IARS1: variants seen among roughly 807,000 people sequenced by gnomAD.
IARS1 encodes isoleucyl-tRNA synthetase 1, also known as isoleucine--tRNA ligase, cytoplasmic.
In IARS1, 124 loss-of-function variants were observed where a neutral mutation model predicts 168.2. That is an observed-to-expected ratio of 0.74 (90% CI 0.64 to 0.86). IARS1 has a LOEUF of 0.86. IARS1 is among the 40% of genes least tolerant of loss of function. The pLI is 0.00. For synonymous variants in IARS1, 532 were observed against 529.4 expected (o/e 1.00, Z -0.07); for missense variants, 1,452 against 1,515.8 (o/e 0.96, Z 0.70).
chr9:92,247,487 G>C lies in IARS1; in HGVS notation c.2681C>G (p.Ala894Gly). 6.2e-7 allele frequency: 1 copy of C among 1,614,122 alleles called. No homozygotes were observed. The highest frequency in any genetic ancestry group is 8.5e-7 in the Non-Finnish European group (1 of 1,180,018). ...DKNKYGIRLRAEPDHMVLGKR... is the reference protein window; with the variant it reads ...DKNKYGIRLRGEPDHMVLGKR... ...CCCCAGGACCATGTGATCTGGTTCT[G>C]CCCTTAGCCGAATGCCATACTTGTT... is the stretch of plus-strand genomic sequence containing the variant. The change falls in exon 26 of 34, where the codon GCA becomes GGA. Residue 894 changes from alanine to glycine, a missense_variant. Ala to Gly is a moderately conservative substitution (Grantham distance 60). Transcript: ENST00000443024.
chr9:92,234,121 T>A (rs990009388), intron 30 of IARS1, among the ~76,000 whole-genome samples: 12 of 152,212 alleles, frequency 7.9e-5, no homozygotes, highest in African/African-American at 2.9e-4. Context: ...TGCCCACTTG[T>A]TCATTGCTAG....
chr9:92,259,307 G>A (rs1463113544), intron 18 of IARS1, among the ~76,000 whole-genome samples: 1 of 152,134 alleles, frequency 6.6e-6, no homozygotes, highest in East Asian at 1.9e-4. Flanking sequence ...GAGAAAGGCT[G>A]GCCTGGTCCT....
At chr9:92,239,656 G>A (rs1037306703) in intron 30 of IARS1, among the ~76,000 whole-genome samples, 1 of 152,172 alleles carries the variant, frequency 6.6e-6, no homozygotes, top group Non-Finnish European at 1.5e-5. Flanking sequence ...CAGAAGGGAT[G>A]GAAATCTAGG....
chr9:92,280,713 A>G, intron 7 of IARS1, 33 bp downstream of exon 7: 1 of 1,458,520 alleles, frequency 6.9e-7, no homozygotes, highest in Non-Finnish European at 9.4e-7. Flanking sequence ...TATCTTATCC[A>G]TATTAATCAT....
intron 30 of IARS1, among the ~76,000 whole-genome samples, chr9:92,230,651 G>A (rs188166331): frequency 1.4e-3 from 211 of 152,276 alleles, no homozygotes; most frequent in African/African-American, 4.6e-3. Flanking sequence ...GCAACTGCGA[G>A]TCATTATAGA....
intron 16 of IARS1, among the ~76,000 whole-genome samples, chr9:92,263,856 C>G (rs1436031729): frequency 2.0e-5 from 3 of 152,178 alleles, no homozygotes; most frequent in Non-Finnish European, 2.9e-5. Context: ...GGCATCTACC[C>G]CTTTCTAAAA....
intron 19 of IARS1, among the ~76,000 whole-genome samples, chr9:92,257,378 G>C (rs898838105): frequency 6.6e-6 from 1 of 152,198 alleles, no homozygotes; most frequent in Middle Eastern, 3.2e-3. Flanking sequence ...CTGTGTTTAA[G>C]GCCCTGATCA....
rs1029668519 is a variant in IARS1, at chr9:92,282,196, G to A, written c.598-1303C>T. ...GCCCCACTCCCATAAAAAGAGAGAA[G>A]GATAAAGCAAATGTGGTAAAAGGTT... On this transcript the variant is annotated intron_variant, in intron 6 of 33. Coordinates refer to ENST00000443024, the MANE Select transcript of IARS1 (RefSeq NM_002161.6). 4.6e-5 allele frequency among the ~76,000 whole-genome samples: 7 copies of A among 152,100 alleles called. No homozygotes were observed. In the East Asian group the frequency reaches 9.6e-4, roughly 21 times the overall value.
chr9:92,224,234 T>C (rs1825277400), intron 31 of IARS1, among the ~76,000 whole-genome samples: 1 of 152,192 alleles, frequency 6.6e-6, no homozygotes, highest in Admixed American at 6.5e-5. Context: ...CACAATACGC[T>C]GTATCATCCA....
chr9:92,288,326 A>G (rs1564190534), intron 2 of IARS1, 44 bp from the exon 3 acceptor site: 20 of 1,572,482 alleles, frequency 1.3e-5, no homozygotes, highest in African/African-American at 2.7e-5. Flanking sequence ...AAAACAGCCA[A>G]AATTTAAGGC....
At chr9:92,240,780 A>G (rs1156245911) in intron 30 of IARS1, 76 bp downstream of exon 30, 6 of 819,742 alleles carry the variant, frequency 7.3e-6, no homozygotes, top group Non-Finnish European at 1.1e-5. Context: ...AACATCCATA[A>G]GTTTTTTTGG....
rs975973015 is a variant in IARS1 at position 92,217,901 on chromosome 9, G to A, written c.3706+4619C>T. ...ACTATTCCAATCAACAGAAAAAGAG[G>A]GAATCCTCCCTAACTCCTTTTATGA... On this transcript the variant is annotated intron_variant, in intron 33 of 33. Coordinates refer to ENST00000443024, the MANE Select transcript of IARS1 (RefSeq NM_002161.6). 1.5e-3 allele frequency among the ~76,000 whole-genome samples: 229 copies of A among 152,066 alleles called. 5 individuals are homozygous for A. The highest frequency in any genetic ancestry group is 0.014 in the Admixed American group (216 of 15,282).
intron 2 of IARS1, 28 bp downstream of exon 2, chr9:92,289,273 G>A (rs757443778): frequency 9.2e-6 from 8 of 870,434 alleles, no homozygotes; most frequent in Middle Eastern, 3.0e-4. Flanking sequence ...CTATTCTTAA[G>A]GGAACTTAAC....
chr9:92,260,043 T>C, intron 18 of IARS1, 108 bp downstream of exon 18: 1 of 736,054 alleles, frequency 1.4e-6, no homozygotes, highest in East Asian at 2.5e-5. Flanking sequence ...AGAGATATGT[T>C]GCTAAAAACC....
Position 92,285,950 on chromosome 9 carries a change from CA to C in IARS1, c.480-112del. Reference sequence around the variant, plus strand: ...TCTGTCTGCCAAATAAGTGAAAAAACAATGTCTTTCATTGGGAGACTGGCTG... The same window carrying C: ...TCTGTCTGCCAAATAAGTGAAAAAACATGTCTTTCATTGGGAGACTGGCTG... On this transcript the variant is annotated intron_variant, in intron 5 of 33. Coordinates refer to ENST00000443024, the MANE Select transcript of IARS1 (RefSeq NM_002161.6). The C allele has an allele frequency of 3.1e-6, 2 of 650,516 alleles. 1 individual carries two copies. Among genetic ancestry groups the C allele is most frequent in the East Asian group, 5.2e-5 (2 of 38,130 alleles). The allele number at this position is 650,516 out of a possible 1,614,324, so 40.3% of individuals were successfully genotyped here. A position where few individuals can be genotyped will look rare whatever the true frequency, so the allele number is the denominator to read the frequency against.
chr9:92,223,975 T>C (rs1053810274), intron 31 of IARS1, among the ~76,000 whole-genome samples: 2 of 152,140 alleles, frequency 1.3e-5, no homozygotes, highest in Non-Finnish European at 2.9e-5. Context: ...TGACTGGTAA[T>C]GGTTGTGATA....
intron 31 of IARS1, 97 bp from the exon 32 acceptor site, chr9:92,223,586 G>A (rs530458486): frequency 5.2e-6 from 5 of 954,494 alleles, no homozygotes; most frequent in Admixed American, 2.5e-5. Flanking sequence ...ATCTTTTTAC[G>A]ATAATGCTTT....
At chr9:92,254,702 A>T (rs1377692075) in intron 20 of IARS1, among the ~76,000 whole-genome samples, 2 of 151,990 alleles carry the variant, frequency 1.3e-5, no homozygotes, top group Non-Finnish European at 2.9e-5. Flanking sequence ...CCCAAATAGA[A>T]CTCCACATAC....
Position 92,240,879 on chromosome 9 carries a change from A to C in IARS1, c.3260T>G (p.Ile1087Ser), listed in dbSNP as rs746481683. ...GPACAYVNLN[I>S]CANGSEQGGV... ...ACCTTGTTCACTGCCATTTGCACAA[A>C]TGTTAAGATTGACATATGCACAAGC... The change falls in exon 30 of 34, where the codon ATT (isoleucine) becomes AGT (serine). Residue 1087 changes from isoleucine (I) to serine (S), a missense_variant. Ile to Ser is a moderately radical substitution (Grantham distance 142). Transcript: ENST00000443024. 49 of 1,611,750 alleles carry C rather than the reference A, an allele frequency of 3.0e-5. No individual in the cohort carries two copies. Among genetic ancestry groups the C allele is most frequent in the Non-Finnish European group, 4.2e-5 (49 of 1,177,964 alleles).
Sources: gnomAD v4.1 joint callset for allele counts (sites outside exome capture counted in the v4.1 genomes callset) on GRCh38, gnomAD v4.1.1 for gene constraint, MANE v1.5 for transcripts, NCBI Gene and HGNC (gene_info 2026-07-23, HGNC 2026-07-21) for gene names.